KCNJ3: variants seen among roughly 807,000 people sequenced by gnomAD.
KCNJ3 encodes the protein G protein-activated inward rectifier potassium channel 1.
A neutral mutation model predicts 39.2 loss-of-function variants in KCNJ3; 4 were observed. The ratio of observed to expected loss-of-function variants is 0.10; its 90% CI spans 0.05 to 0.23. KCNJ3 has a LOEUF of 0.23. KCNJ3 is among the 10% of genes least tolerant of loss of function. The pLI is 1.00. For synonymous variants in KCNJ3, 230 were observed against 237.4 expected (o/e 0.97, Z 0.29); for missense variants, 276 against 634.9 (o/e 0.43, Z 6.08).
At chr2:154,828,216 T>C (rs1174322732) in intron 2 of KCNJ3, among the ~76,000 whole-genome samples, 1 of 152,232 alleles carries the variant, frequency 6.6e-6, no homozygotes, top group African/African-American at 2.4e-5. Flanking sequence ...CATTACTGCA[T>C]GGGTAGGTTT....
At chr2:154,823,304 A>G (rs1426183458) in intron 2 of KCNJ3, among the ~76,000 whole-genome samples, 1 of 152,050 alleles carries the variant, frequency 6.6e-6, no homozygotes, top group Admixed American at 6.6e-5. Flanking sequence ...TTTGATAGAG[A>G]ATTAGAAGGG....
At chr2:154,746,650 ATGTGTGTG>A (rs57739687) in intron 2 of KCNJ3, among the ~76,000 whole-genome samples, 3 of 147,348 alleles carry the variant, frequency 2.0e-5, no homozygotes, top group African/African-American at 5.0e-5. Context: ...GTGTATATAT[ATGTGTGTG>A]TGTGTGTGTG....
intron 1 of KCNJ3, among the ~76,000 whole-genome samples, chr2:154,700,563 G>A (rs954471456): frequency 2.6e-5 from 4 of 152,184 alleles, no homozygotes; most frequent in Non-Finnish European, 2.9e-5. Context: ...CTGAGGTTGC[G>A]TAGAGAACTG....
intron 2 of KCNJ3, among the ~76,000 whole-genome samples, chr2:154,738,230 T>C (rs957933800): frequency 2.6e-5 from 4 of 151,900 alleles, no homozygotes; most frequent in African/African-American, 9.7e-5. Context: ...TCAAAACAAT[T>C]GAACTCAAGG....
chr2:154,754,734 T>A (rs559331910), intron 2 of KCNJ3, among the ~76,000 whole-genome samples: 15 of 152,326 alleles, frequency 9.8e-5, no homozygotes, highest in African/African-American at 3.6e-4. Flanking sequence ...AATGTCCTTG[T>A]GAAGTTTCTC....
intron 2 of KCNJ3, among the ~76,000 whole-genome samples, chr2:154,821,447 T>A (rs1687176390): frequency 6.6e-6 from 1 of 152,080 alleles, no homozygotes; most frequent in Admixed American, 6.6e-5. Flanking sequence ...TTTCCCTGTA[T>A]CCCTTCAAAG....
intron 2 of KCNJ3, among the ~76,000 whole-genome samples, chr2:154,822,346 T>G (rs991756701): frequency 3.3e-5 from 5 of 152,204 alleles, no homozygotes; most frequent in Non-Finnish European, 5.9e-5. Context: ...CATAATTATC[T>G]TGAACCACTG....
intron 2 of KCNJ3, among the ~76,000 whole-genome samples, chr2:154,802,705 C>T (rs1686840738): frequency 6.6e-6 from 1 of 152,082 alleles, no homozygotes; most frequent in South Asian, 2.1e-4. Flanking sequence ...CATTCAGTCT[C>T]ATAGTTTCAC....
At chr2:154,709,505 A>T in intron 1 of KCNJ3, 98 bp from the exon 2 acceptor site, 1 of 1,193,692 alleles carries the variant, frequency 8.4e-7, no homozygotes, top group Non-Finnish European at 1.2e-6. Context: ...GATGATTGAT[A>T]GTGCAGAATG....
chr2:154,849,041 C>CTTGA (rs995706217), intron 2 of KCNJ3, among the ~76,000 whole-genome samples: 15 of 152,214 alleles, frequency 9.9e-5, no homozygotes, highest in African/African-American at 3.6e-4. Flanking sequence ...CACAGTACTA[C>CTTGA]TTGATAGAGA....
At chr2:154,785,212 C>T (rs1363708293) in intron 2 of KCNJ3, among the ~76,000 whole-genome samples, 2 of 152,138 alleles carry the variant, frequency 1.3e-5, no homozygotes, top group African/African-American at 4.8e-5. Flanking sequence ...TTTGCTAGGC[C>T]TGTAGTAACG....
At chr2:154,780,366 AG>A (rs1407706280) in intron 2 of KCNJ3, among the ~76,000 whole-genome samples, 1 of 152,200 alleles carries the variant, frequency 6.6e-6, no homozygotes, top group African/African-American at 2.4e-5. Flanking sequence ...AAATGACTTA[AG>A]TTTATCTTAT....
intron 2 of KCNJ3, among the ~76,000 whole-genome samples, chr2:154,751,720 T>G (rs1395260970): frequency 6.6e-6 from 1 of 152,078 alleles, no homozygotes; most frequent in Non-Finnish European, 1.5e-5. Context: ...AAATAGAAAT[T>G]TGTTTTTTGA....
chr2:154,713,101 A>G (rs1685127792), intron 2 of KCNJ3, among the ~76,000 whole-genome samples: 2 of 152,050 alleles, frequency 1.3e-5, no homozygotes, highest in African/African-American at 4.8e-5. Context: ...TGCATTCTAG[A>G]TGGTTTTATT....
At chr2:154,737,569 A>G (rs1267007145) in intron 2 of KCNJ3, among the ~76,000 whole-genome samples, 1 of 152,212 alleles carries the variant, frequency 6.6e-6, no homozygotes, top group Non-Finnish European at 1.5e-5. Context: ...CCTTATGTGC[A>G]TAAAGCTAGA....
intron 2 of KCNJ3, among the ~76,000 whole-genome samples, chr2:154,792,216 G>C (rs753597967): frequency 6.6e-6 from 1 of 152,000 alleles, no homozygotes; most frequent in Non-Finnish European, 1.5e-5. Context: ...TGCATCCCAG[G>C]AATGTATCGT....
chr2:154,816,592 AC>A (rs1687086547), intron 2 of KCNJ3, among the ~76,000 whole-genome samples: 1 of 152,216 alleles, frequency 6.6e-6, no homozygotes, highest in African/African-American at 2.4e-5. Context: ...TAAAAGTTAT[AC>A]ATATGGTGTT....
chr2:154,803,731 C>T (rs1179368060), intron 2 of KCNJ3, among the ~76,000 whole-genome samples: 1 of 151,942 alleles, frequency 6.6e-6, no homozygotes, highest in South Asian at 2.1e-4. Context: ...TAGAACATCT[C>T]ACTGACAATC....
At chr2:154,849,110 A>G (rs536621375) in intron 2 of KCNJ3, among the ~76,000 whole-genome samples, 1 of 152,320 alleles carries the variant, frequency 6.6e-6, no homozygotes, top group Non-Finnish European at 1.5e-5. Context: ...TTCCAGCTGC[A>G]TCACCTCTAT....
Sources: allele counts gnomAD v4.1 joint callset (sites outside exome capture counted in the v4.1 genomes callset), GRCh38; gene constraint gnomAD v4.1.1; transcripts MANE v1.5; gene names NCBI Gene and HGNC (gene_info 2026-07-23, HGNC 2026-07-21).